SPATA31F3: variants seen among roughly 807,000 people sequenced by gnomAD.
The protein encoded by SPATA31F3 is SPATA31 subfamily F member 3, also known as protein SPATA31F3.
At chr9:34,894,244 A>G in the SPATA31F3 span, among the ~76,000 whole-genome samples, 1 of 152,156 alleles carries the variant, frequency 6.6e-6, no homozygotes, top group Non-Finnish European at 1.5e-5. Context: ...CCAAAGCAGA[A>G]TTGGGTGACC....
the SPATA31F3 span, chr9:34,895,214 T>A: frequency 2.5e-6 from 1 of 397,096 alleles, no homozygotes; most frequent in Non-Finnish European, 4.4e-6. Flanking sequence ...CTATCTTTCC[T>A]TTCTGTATTC....
At chr9:34,893,271 CTTG>C in the SPATA31F3 span, 1 of 418,422 alleles carries the variant, frequency 2.4e-6, no homozygotes, top group Middle Eastern at 5.0e-4. Flanking sequence ...CCTACACTCT[CTTG>C]TTGTCTACCT....
chr9:34,889,624 C>T, the SPATA31F3 span: 2 of 398,426 alleles, frequency 5.0e-6, no homozygotes, highest in South Asian at 2.5e-4. Context: ...TCCAAGCCAA[C>T]TTCTGGAGCT....
chr9:34,890,344 G>A, the SPATA31F3 span, among the ~76,000 whole-genome samples: 1 of 152,194 alleles, frequency 6.6e-6, no homozygotes, highest in African/African-American at 2.4e-5. Flanking sequence ...CTCTGCTGGG[G>A]TAGGGACTTG....
chr9:34,893,532 C>T, the SPATA31F3 span, among the ~76,000 whole-genome samples: 2 of 151,130 alleles, frequency 1.3e-5, no homozygotes, highest in Non-Finnish European at 2.9e-5. Flanking sequence ...ACCTGGGAGA[C>T]GGAGCTTGCA....
At chr9:34,893,074 C>T in the SPATA31F3 span, 22 of 968,954 alleles carry the variant, frequency 2.3e-5, 1 homozygote, top group South Asian at 3.7e-4. Flanking sequence ...TCTCCAGAGC[C>T]ATAACATTGC....
At chr9:34,890,603 G>A in the SPATA31F3 span, among the ~76,000 whole-genome samples, 3 of 152,158 alleles carry the variant, frequency 2.0e-5, no homozygotes, top group African/African-American at 7.2e-5. Context: ...GGGGCCCATG[G>A]GATGCCTGGT....
At chr9:34,894,027 CAG>C in the SPATA31F3 span, among the ~76,000 whole-genome samples, 1 of 152,256 alleles carries the variant, frequency 6.6e-6, no homozygotes, top group African/African-American at 2.4e-5. Flanking sequence ...TCCCTAATGA[CAG>C]AGCCAGAGGA....
the SPATA31F3 span, among the ~76,000 whole-genome samples, chr9:34,891,338 C>T: frequency 6.6e-6 from 1 of 152,222 alleles, no homozygotes; most frequent in Non-Finnish European, 1.5e-5. Flanking sequence ...GTAGTCCCAA[C>T]AATGGCAGAT....
chr9:34,891,882 T>C, the SPATA31F3 span, among the ~76,000 whole-genome samples: 1 of 152,198 alleles, frequency 6.6e-6, no homozygotes, highest in Non-Finnish European at 1.5e-5. Flanking sequence ...ACTCCAAGGC[T>C]TTCACTTAGC....
chr9:34,889,261 T>C, the SPATA31F3 span: 1 of 398,656 alleles, frequency 2.5e-6, no homozygotes, highest in Non-Finnish European at 4.4e-6. Flanking sequence ...ATTTCCTGGT[T>C]GAGTGGCACA....
At chr9:34,891,367 C>T in the SPATA31F3 span, among the ~76,000 whole-genome samples, 10 of 152,190 alleles carry the variant, frequency 6.6e-5, no homozygotes, top group Non-Finnish European at 1.5e-4. Context: ...GGACAATGCC[C>T]TAGCAGATCT....
the SPATA31F3 span, chr9:34,892,822 G>C: frequency 1.5e-6 from 1 of 679,418 alleles, no homozygotes. Context: ...AGGAATCTTG[G>C]ACGCTGTCTG....
chr9:34,894,485 C>T, the SPATA31F3 span: 3 of 398,502 alleles, frequency 7.5e-6, no homozygotes, highest in Admixed American at 1.3e-4. Context: ...CGGCTTCTTC[C>T]TGTGAAGTTC....
At chr9:34,892,995 A>C in the SPATA31F3 span, 1 of 763,040 alleles carries the variant, frequency 1.3e-6, no homozygotes. Context: ...TCTAGGCAAG[A>C]GGAGCCCTGT....
the SPATA31F3 span, chr9:34,893,167 A>G: frequency 9.5e-6 from 5 of 529,040 alleles, no homozygotes; most frequent in African/African-American, 1.9e-5. Context: ...GAAGAGAAAC[A>G]TGACAAACAT....
chr9:34,890,356 C>T, the SPATA31F3 span, among the ~76,000 whole-genome samples: 3 of 152,148 alleles, frequency 2.0e-5, no homozygotes, highest in Non-Finnish European at 4.4e-5. Flanking sequence ...AGGGACTTGT[C>T]CTCACTTTTG....
At chr9:34,892,188 A>G in the SPATA31F3 span, among the ~76,000 whole-genome samples, 1 of 152,186 alleles carries the variant, frequency 6.6e-6, no homozygotes, top group Non-Finnish European at 1.5e-5. Flanking sequence ...AGAAGCTGAA[A>G]GAGAGGAGAG....
At chr9:34,894,071 A>G in the SPATA31F3 span, among the ~76,000 whole-genome samples, 71 of 152,344 alleles carry the variant, frequency 4.7e-4, 1 homozygote, top group Non-Finnish European at 8.1e-4. Flanking sequence ...TCAGACTCAG[A>G]GGAGAGGGAA....
Sources: allele counts gnomAD v4.1 joint callset (sites outside exome capture counted in the v4.1 genomes callset), GRCh38; gene constraint gnomAD v4.1.1; transcripts MANE v1.5; gene names NCBI Gene and HGNC (gene_info 2026-07-23, HGNC 2026-07-21).